PAK3: variants seen among roughly 807,000 people sequenced by gnomAD.
PAK3 encodes the protein p21 (RAC1) activated kinase 3, also known as serine/threonine-protein kinase PAK 3.
Under a neutral mutation model 41.0 loss-of-function variants are expected in PAK3, and 4 were observed. The observed-to-expected ratio is 0.10, with a 90% CI of 0.05 to 0.22. PAK3 has a LOEUF of 0.22. Ranked by LOEUF, PAK3 falls within the 10% of genes least tolerant of loss-of-function variation. The pLI is 1.00. For synonymous variants in PAK3, 146 were observed against 139.6 expected (o/e 1.05, Z -0.32); for missense variants, 205 against 409.9 (o/e 0.50, Z 4.32).
intron 11 of PAK3, among the ~76,000 whole-genome samples, chrX:111,178,768 G>C (rs2094432703): frequency 9.1e-6 from 1 of 110,034 alleles, no homozygotes; most frequent in East Asian, 2.9e-4. Context: ...AGTGACATTA[G>C]AGGGTATAGG....
chrX:111,121,106 A>G (rs1728728143), intron 4 of PAK3, among the ~76,000 whole-genome samples: 1 of 112,490 alleles, frequency 8.9e-6, no homozygotes, highest in Non-Finnish European at 1.9e-5. Context: ...ATCTCTGAAT[A>G]TACTTTATCC....
chrX:110,995,172 A>G (rs755375638), intron 1 of PAK3, among the ~76,000 whole-genome samples: 30 of 111,362 alleles, frequency 2.7e-4, no homozygotes, highest in Admixed American at 1.6e-3. Flanking sequence ...AAAGCATAAA[A>G]AAACCAGTGT....
In PAK3 at chrX:111,223,590, T is replaced by A. The variant is rs1448784653; in HGVS notation, c.*3143T>A. ...TGTGAACTGCACCCCAATGTTTGAGTTTAACCACCTGATCCTTACATCTAT... is the reference window on the plus strand; with the variant it reads ...TGTGAACTGCACCCCAATGTTTGAGATTAACCACCTGATCCTTACATCTAT... On this transcript the variant is annotated 3_prime_UTR_variant, in exon 18 of 18. Transcript: ENST00000372007. 9.0e-6 allele frequency: 1 copy of A among 110,616 alleles called. No homozygotes were observed. The highest frequency in any genetic ancestry group is 1.9e-5 in the Non-Finnish European group (1 of 52,958). 9.1% of individuals were successfully genotyped at this position (110,616 alleles called of 1,213,427 possible). A position where few individuals can be genotyped will look rare whatever the true frequency, so the allele number is the denominator to read the frequency against.
At chrX:111,190,408 A>G (rs1453703778) in intron 11 of PAK3, among the ~76,000 whole-genome samples, 1 of 111,759 alleles carries the variant, frequency 8.9e-6, no homozygotes, top group Non-Finnish European at 1.9e-5. Context: ...TTATAAAAAT[A>G]TGGTAAGGAT....
At chrX:111,149,712 G>T (rs904185293) in intron 7 of PAK3, among the ~76,000 whole-genome samples, 4 of 111,812 alleles carry the variant, frequency 3.6e-5, no homozygotes, top group African/African-American at 1.3e-4. Flanking sequence ...CCCCTAAGCT[G>T]CACACAGCAC....
intron 16 of PAK3, among the ~76,000 whole-genome samples, chrX:111,200,723 G>T (rs1006176942): frequency 1.8e-5 from 2 of 111,935 alleles, no homozygotes; most frequent in African/African-American, 6.5e-5. Flanking sequence ...GAGTTTGGAG[G>T]CACTAAATGG....
chrX:111,216,978 C>T (rs1231970001), intron 17 of PAK3: 1 of 748,463 alleles, frequency 1.3e-6, no homozygotes, highest in African/African-American at 2.3e-5. Context: ...AGCCCCTTTG[C>T]TTGTGATGCC....
chrX:111,216,835 T>TG (rs2094885405), intron 17 of PAK3: 1 of 430,639 alleles, frequency 2.3e-6, no homozygotes, highest in East Asian at 1.9e-4. Context: ...GACCCTCTGG[T>TG]GTTGGTGTTT....
At chrX:110,999,061 C>G (rs2091798808) in intron 1 of PAK3, among the ~76,000 whole-genome samples, 1 of 111,551 alleles carries the variant, frequency 9.0e-6, no homozygotes, top group South Asian at 3.8e-4. Flanking sequence ...CTGTAAGAAT[C>G]AGGTGCAGCC....
At chrX:111,041,399 T>A (rs1322436455) in intron 1 of PAK3, among the ~76,000 whole-genome samples, 1 of 111,650 alleles carries the variant, frequency 9.0e-6, no homozygotes, top group African/African-American at 3.3e-5. Context: ...TGAACTCTCC[T>A]GGGGCAGAGA....
intron 13 of PAK3, among the ~76,000 whole-genome samples, chrX:111,193,785 AAAC>A (rs2094585226): frequency 8.9e-6 from 1 of 111,900 alleles, no homozygotes; most frequent in African/African-American, 3.3e-5. Context: ...AAACAAAAAA[AAAC>A]AAAAAAAACA....
chrX:111,087,115 CA>C (rs1364477245), intron 1 of PAK3, among the ~76,000 whole-genome samples: 3 of 90,522 alleles, frequency 3.3e-5, no homozygotes, highest in African/African-American at 1.2e-4. Flanking sequence ...TCCATATTAG[CA>C]GCTGGAATGA....
intron 16 of PAK3, among the ~76,000 whole-genome samples, chrX:111,206,057 G>A (rs2094743657): frequency 1.8e-5 from 2 of 111,230 alleles, no homozygotes; most frequent in African/African-American, 6.5e-5. Context: ...AGGACCAGGA[G>A]CAATGGAGCA....
intron 1 of PAK3, among the ~76,000 whole-genome samples, chrX:110,992,061 G>A (rs2091658871): frequency 9.0e-6 from 1 of 111,409 alleles, no homozygotes; most frequent in South Asian, 3.9e-4. Flanking sequence ...TGGTGAGGGA[G>A]GGTTGGAGAG....
chrX:111,134,999 CA>C (rs1398894672), intron 5 of PAK3, among the ~76,000 whole-genome samples: 2 of 110,986 alleles, frequency 1.8e-5, no homozygotes, highest in Non-Finnish European at 3.8e-5. Flanking sequence ...ATTCTGAAGG[CA>C]ATGGGGGAAT....
chrX:111,083,056 T>C (rs1453876566), intron 1 of PAK3, among the ~76,000 whole-genome samples: 2 of 112,655 alleles, frequency 1.8e-5, no homozygotes, highest in African/African-American at 6.4e-5. Flanking sequence ...CCCAAGGTGA[T>C]TTAATCCCAT....
chrX:111,118,738 A>G (rs915404917), intron 4 of PAK3, among the ~76,000 whole-genome samples: 1 of 111,658 alleles, frequency 9.0e-6, no homozygotes, highest in South Asian at 3.7e-4. Context: ...ATAAAAATAA[A>G]TAGTTATGTC....
At chrX:111,017,121 G>C (rs1004579663) in intron 1 of PAK3, among the ~76,000 whole-genome samples, 7 of 111,322 alleles carry the variant, frequency 6.3e-5, no homozygotes. Context: ...TTTACATTGA[G>C]AAAGAAGTTC....
chrX:111,116,475 A>C (rs950914329), intron 4 of PAK3, among the ~76,000 whole-genome samples: 2 of 112,030 alleles, frequency 1.8e-5, no homozygotes, highest in Non-Finnish European at 3.8e-5. Flanking sequence ...TGAATAATAA[A>C]GTATGGTGCT....
Sources: allele counts gnomAD v4.1 joint callset (sites outside exome capture counted in the v4.1 genomes callset), GRCh38; gene constraint gnomAD v4.1.1; transcripts MANE v1.5; gene names NCBI Gene and HGNC (gene_info 2026-07-23, HGNC 2026-07-21).